TSBP1: variants seen among roughly 807,000 people sequenced by gnomAD.
The protein encoded by TSBP1 is testis-expressed basic protein 1.
A neutral mutation model predicts 68.8 loss-of-function variants in TSBP1; 56 were observed. The observed-to-expected ratio is 0.81, with a 90% CI of 0.66 to 1.02. The LOEUF is 1.02. TSBP1 is among the 50% of genes least tolerant of loss of function. The probability of loss-of-function intolerance (pLI) is 0.00; values close to 1 mark genes in which losing one functional copy is unlikely to be tolerated. For synonymous variants in TSBP1, 171 were observed against 208.7 expected, an observed-to-expected ratio of 0.82 and a Z score of 1.56; for missense variants, 502 against 641.2, an observed-to-expected ratio of 0.78 and a Z score of 2.34.
At position 32,306,353 on chromosome 6, in the gene TSBP1, T is replaced by G. The variant is rs1237013575; in HGVS notation, c.581-3724A>C. ...TCTGTGTTCCTCAGTCATCTCTTGATTCTAACTCCTGCGCATAATTTCCCC... is the reference window on the plus strand; with the variant it reads ...TCTGTGTTCCTCAGTCATCTCTTGAGTCTAACTCCTGCGCATAATTTCCCC... On this transcript the variant is annotated intron_variant, in intron 19 of 22. Transcript: ENST00000612031. The surrounding 1 kb of genome is among the most constrained non-coding windows in gnomAD (Gnocchi z 5.1). Among the ~76,000 whole-genome samples, 1 of 152,186 alleles carries G rather than the reference T, an allele frequency of 6.6e-6. No homozygotes were observed. The highest frequency in any genetic ancestry group is 1.5e-5 in the Non-Finnish European group (1 of 68,022).
chr6:32,335,331 A>C lies in TSBP1; in HGVS notation c.472+106T>G. On this transcript the variant is annotated intron_variant, in intron 14 of 22. Transcript: ENST00000612031. The surrounding 1 kb of genome is among the most constrained non-coding windows in gnomAD (Gnocchi z 5.5). ...CTGGGTGAGATTATGAGGTGGCAGAAGGACTTGATCCTTGAGTCCTTGGGC... is the reference window on the plus strand; with the variant it reads ...CTGGGTGAGATTATGAGGTGGCAGACGGACTTGATCCTTGAGTCCTTGGGC... 9.4e-7 allele frequency: 1 copy of C among 1,058,362 alleles called. No individual in the cohort carries two copies. The highest frequency in any genetic ancestry group is 2.0e-5 in the South Asian group (1 of 50,698). 65.6% of individuals were successfully genotyped at this position (1,058,362 alleles called of 1,614,324 possible).
chr6:32,308,704 T>C (rs1402170285), intron 19 of TSBP1, among the ~76,000 whole-genome samples: 2 of 151,936 alleles, frequency 1.3e-5, no homozygotes, highest in Non-Finnish European at 2.9e-5. Context: ...ATTTTCCCTA[T>C]GGGTTCAGAA....
rs201008413 is a variant in TSBP1 at position 32,355,161 on chromosome 6, G to C, written c.239-17C>G. 57 of 1,611,140 alleles carry C rather than the reference G, an allele frequency of 3.5e-5. No homozygotes were observed. The highest frequency in any genetic ancestry group is 4.7e-5 in the Non-Finnish European group (55 of 1,178,744). On this transcript the variant is annotated splice_polypyrimidine_tract_variant and intron_variant, in intron 7 of 22. Coordinates refer to ENST00000612031, the Ensembl canonical transcript of TSBP1. ...TTGATGGTGCTAAAATACACACACAGAAAACATGAGGTGAATCATGAGAGT... is the reference window on the plus strand; with the variant it reads ...TTGATGGTGCTAAAATACACACACACAAAACATGAGGTGAATCATGAGAGT...
chr6:32,327,973 T>A (rs542522002), intron 16 of TSBP1, among the ~76,000 whole-genome samples: 32 of 151,708 alleles, frequency 2.1e-4, no homozygotes, highest in South Asian at 4.2e-4. Context: ...TATTTTTTTT[T>A]TTTTGTATTT....
intron 17 of TSBP1, 46 bp downstream of exon 18, chr6:32,323,545 A>T: frequency 6.3e-7 from 1 of 1,589,402 alleles, no homozygotes; most frequent in South Asian, 1.1e-5. Context: ...TGCAGGGAAC[A>T]ACAAGAACAA....
intron 19 of TSBP1, among the ~76,000 whole-genome samples, chr6:32,313,058 G>A (rs1766570641): frequency 6.6e-6 from 1 of 152,156 alleles, no homozygotes; most frequent in Non-Finnish European, 1.5e-5. Context: ...TGCAGGGCCC[G>A]ACATAATCTG....
chr6:32,349,907 G>T, intron 8 of TSBP1, 147 bp from the exon 9 acceptor site: 1 of 872,380 alleles, frequency 1.1e-6, no homozygotes, highest in Non-Finnish European at 2.0e-6. Flanking sequence ...GCAATGCAAT[G>T]TGGTGAGCAG....
rs1193585525 is a variant in TSBP1, at chr6:32,370,435, A to G, written c.14-452T>C. 3.6e-4 allele frequency among the ~76,000 whole-genome samples: 48 copies of G among 134,246 alleles called. 2 individuals carry two copies. Among genetic ancestry groups the G allele is most frequent in the African/African-American group, 1.3e-3 (47 of 37,488 alleles). The allele number at this position is 134,246 out of a possible 152,430, so 88.1% of individuals were successfully genotyped here. On this transcript the variant is annotated intron_variant, in intron 1 of 22. Coordinates refer to ENST00000612031, the Ensembl canonical transcript of TSBP1. ...TATATATATATATATATATATATAT[A>G]TATATATATGGCTATAAATAAGATT...
At chr6:32,341,306 C>T (rs925153968) in intron 9 of TSBP1, among the ~76,000 whole-genome samples, 1 of 152,080 alleles carries the variant, frequency 6.6e-6, no homozygotes, top group African/African-American at 2.4e-5. Flanking sequence ...ATGGGAGCAT[C>T]AGAGTTAGTT....
chr6:32,319,464 G>A (rs1767358009), intron 18 of TSBP1, among the ~76,000 whole-genome samples: 1 of 152,128 alleles, frequency 6.6e-6, no homozygotes, highest in South Asian at 2.1e-4. Flanking sequence ...TCATTTCCCT[G>A]TTCAAGCCCT....
chr6:32,344,098 T>A (rs2395146), intron 9 of TSBP1, among the ~76,000 whole-genome samples: 50,808 of 151,062 alleles, frequency 0.34, 9,634 homozygotes, highest in Middle Eastern at 0.52. Flanking sequence ...TTAATTTATT[T>A]ATTTATTTTA....
Position 32,367,961 on chromosome 6 carries a change from G to GA in TSBP1, c.134-5dup, listed in dbSNP as rs1428063752. 6.9e-6 allele frequency: 11 copies of GA among 1,601,380 alleles called. No homozygotes were observed. The highest frequency in any genetic ancestry group is 1.7e-5 in the Admixed American group (1 of 58,872). The stretch of plus-strand genomic sequence containing the variant: ...TCATAGTCCAGAAGTCTAGCACCTA[G>GA]AAAAAAAGGGAGAGCACATGATTTT... On this transcript the variant is annotated splice_region_variant and splice_polypyrimidine_tract_variant and intron_variant, in intron 3 of 22. Coordinates refer to ENST00000612031, the Ensembl canonical transcript of TSBP1.
intron 18 of TSBP1, 119 bp downstream of exon 20, chr6:32,322,367 T>G (rs1205589281): frequency 1.3e-6 from 1 of 742,878 alleles, no homozygotes; most frequent in African/African-American, 1.8e-5. Context: ...GTCCTAATCT[T>G]GAAGACTTTG....
At chr6:32,346,827 T>C (rs1469944265) in intron 9 of TSBP1, among the ~76,000 whole-genome samples, 4 of 148,236 alleles carry the variant, frequency 2.7e-5, no homozygotes, top group African/African-American at 9.7e-5. Context: ...CGGAGTGAGA[T>C]TCTATCTCAA....
chr6:32,322,237 G>A (rs1054794735), intron 18 of TSBP1, among the ~76,000 whole-genome samples: 3 of 152,190 alleles, frequency 2.0e-5, no homozygotes, highest in African/African-American at 7.2e-5. Flanking sequence ...TATCATCATT[G>A]TTAGTGCTTG....
chr6:32,370,855 A>AAAG (rs138019081), intron 1 of TSBP1, among the ~76,000 whole-genome samples: 5,752 of 150,214 alleles, frequency 0.038, 317 homozygotes, highest in African/African-American at 0.12. Context: ...AAAAAAAGAA[A>AAAG]AGAGAGAGAG....
Position 32,333,936 on chromosome 6 carries a change from C to A in TSBP1, c.472+1501G>T. Reference sequence around the variant, plus strand: ...AGATCTGGATACCCTTGGCTATGAGCAGTAAACCAGTTACACATTTAGATA... The same window carrying A: ...AGATCTGGATACCCTTGGCTATGAGAAGTAAACCAGTTACACATTTAGATA... On this transcript the variant is annotated intron_variant, in intron 14 of 22. Coordinates refer to ENST00000612031, the Ensembl canonical transcript of TSBP1. The surrounding 1 kb of genome is among the most constrained non-coding windows in gnomAD (Gnocchi z 4.2). 4.2e-6 allele frequency: 1 copy of A among 235,486 alleles called. No homozygotes were observed. Among genetic ancestry groups the A allele is most frequent in the Admixed American group, 5.4e-5 (1 of 18,636 alleles). The allele number at this position is 235,486 out of a possible 1,614,324, so 14.6% of individuals were successfully genotyped here.
chr6:32,336,589 A>C lies in TSBP1; in HGVS notation c.430+26T>G. 6.2e-7 allele frequency: 1 copy of C among 1,602,132 alleles called. No homozygotes were observed. Among genetic ancestry groups the C allele is most frequent in the Non-Finnish European group, 8.5e-7 (1 of 1,170,070 alleles). On this transcript the variant is annotated intron_variant, in intron 12 of 22. Coordinates refer to ENST00000612031, the Ensembl canonical transcript of TSBP1. This position sits in a 1 kb window ranked among gnomAD's most constrained non-coding sequence, Gnocchi z 5.2. ...GTAGGTCAGATATCAAAGGGACCAG[A>C]GTGGAAAAACAAACTTGATACTTAC...
Position 32,306,684 on chromosome 6 carries a change from CTAT to C in TSBP1, c.581-4058_581-4056del, listed in dbSNP as rs763339548. Among the ~76,000 whole-genome samples, 6 of 152,166 alleles carry C rather than the reference CTAT, an allele frequency of 3.9e-5. No homozygotes were observed. The highest frequency in any genetic ancestry group is 8.8e-5 in the Non-Finnish European group (6 of 68,030). On this transcript the variant is annotated intron_variant, in intron 19 of 22. Transcript: ENST00000612031. The surrounding 1 kb of genome is among the most constrained non-coding windows in gnomAD (Gnocchi z 5.1). Reference sequence around the variant, plus strand: ...TTTTAGGTTGCAGTGCTAAATGGAACTATTATTCAATTTAAGAACATATAAAGC... The same window carrying C: ...TTTTAGGTTGCAGTGCTAAATGGAACTATTCAATTTAAGAACATATAAAGC...
Sources: allele counts gnomAD v4.1 joint callset (sites outside exome capture counted in the v4.1 genomes callset), GRCh38; gene constraint gnomAD v4.1.1; non-coding constraint Gnocchi (gnomAD v3.1); transcripts MANE v1.5; gene names NCBI Gene and HGNC (gene_info 2026-07-23, HGNC 2026-07-21).